Variants in ZNF550 observed in about 807,000 individuals in gnomAD.
The protein encoded by ZNF550 is zinc finger protein 550.
Under a neutral mutation model 40.2 loss-of-function variants are expected in ZNF550, and 42 were observed. That is an observed-to-expected ratio of 1.05 (90% CI 0.82 to 1.35). The LOEUF is 1.35. Among genes scored for constraint, ZNF550 ranks in the 40% most tolerant of loss-of-function variants. The pLI is 0.00. For missense variants in ZNF550, 549 were observed against 525.2 expected (o/e 1.05, Z -0.44); for synonymous variants, 223 against 198.6 (o/e 1.12, Z -1.03).
exon 4 of ZNF550, chr19:57,547,939 G>C (rs773810411): frequency 6.2e-7 from 1 of 1,614,116 alleles, no homozygotes; most frequent in South Asian, 1.1e-5. Context: ...GGCCCGCTCA[G>C]ATAAGACTGG....
At chr19:57,559,456 G>C (rs949153381) in intron 1 of ZNF550, among the ~76,000 whole-genome samples, 200 bp downstream of exon 1, 1 of 152,146 alleles carries the variant, frequency 6.6e-6, no homozygotes, top group Admixed American at 6.5e-5. Flanking sequence ...CCACAACGCC[G>C]CGCACCCCAG....
chr19:57,559,816 C>T (rs1042625417), exon 1 of ZNF550: 1 of 742,716 alleles, frequency 1.3e-6, no homozygotes, highest in African/African-American at 1.8e-5. Context: ...AGAGCGCGGA[C>T]CAACACGCCC....
intron 4 of ZNF550, chr19:57,544,643 A>T: frequency 2.0e-6 from 2 of 982,310 alleles, no homozygotes; most frequent in Non-Finnish European, 2.4e-6. Flanking sequence ...TAATATGTGC[A>T]AAAGGACCAC....
exon 4 of ZNF550, chr19:57,547,222 T>C (rs754752444): frequency 2.5e-6 from 4 of 1,614,038 alleles, no homozygotes; most frequent in Middle Eastern, 1.6e-4. Flanking sequence ...ATCATAGGGC[T>C]TCTCTCCAGT....
exon 4 of ZNF550, chr19:57,546,749 A>T (rs2090013397): frequency 7.6e-7 from 1 of 1,320,040 alleles, no homozygotes; most frequent in Non-Finnish European, 9.7e-7. Context: ...AATGAGTGAG[A>T]ACTGAGTGGT....
chr19:57,546,145 G>A (rs952233518), intron 4 of ZNF550, among the ~76,000 whole-genome samples: 23 of 152,086 alleles, frequency 1.5e-4, no homozygotes, highest in African/African-American at 4.6e-4. Flanking sequence ...TAAAAAAGAA[G>A]TGTCACATGA....
intron 1 of ZNF550, among the ~76,000 whole-genome samples, chr19:57,558,212 C>T (rs987665561): frequency 2.0e-5 from 3 of 152,280 alleles, no homozygotes; most frequent in Admixed American, 2.0e-4. Flanking sequence ...ACTGCAGCCC[C>T]GCAGAGACCT....
chr19:57,556,074 A>ACCC lies in ZNF550; in HGVS notation c.154+154_154+156dup, dbSNP rs2090117960. ...GGTTTGTGTTAAAAGGACATTTTCT[A>ACCC]CCCCGACAATCTCTGATGCAGACAA... On this transcript the variant is annotated intron_variant, in intron 2 of 4. Transcript: ENST00000457177. The ACCC allele has an allele frequency of 3.2e-6, 3 of 935,338 alleles. No homozygotes were observed. In the East Asian group the frequency reaches 7.6e-5, roughly 24 times the overall value. The allele number at this position is 935,338 out of a possible 1,614,324, so 57.9% of individuals were successfully genotyped here.
intron 3 of ZNF550, among the ~76,000 whole-genome samples, chr19:57,551,787 G>A (rs1472502267): frequency 6.6e-6 from 1 of 152,212 alleles, no homozygotes; most frequent in African/African-American, 2.4e-5. Flanking sequence ...AAGGCAAATG[G>A]CTCCAGCTAC....
intron 3 of ZNF550, among the ~76,000 whole-genome samples, chr19:57,550,113 A>G (rs760196131): frequency 6.0e-4 from 92 of 152,238 alleles, no homozygotes; most frequent in Non-Finnish European, 6.0e-4. Flanking sequence ...AGCAAGAACA[A>G]CTTCAGTGCT....
Position 57,554,732 on chromosome 19 carries a change from G to A in ZNF550, c.154+1499C>T, listed in dbSNP as rs532854416. On this transcript the variant is annotated intron_variant, in intron 2 of 4. Transcript: ENST00000457177. This position sits in a 1 kb window ranked among gnomAD's most constrained non-coding sequence, Gnocchi z 4.5. ...CAATGTGTGCTACATGCCTGGCTTT[G>A]AGTTCTGGGACAGGGCTGTGGGAAA... is the stretch of plus-strand genomic sequence containing the variant. The A allele has an allele frequency of 6.6e-6, 1 of 152,312 alleles. No homozygotes were observed. The allele number at this position is 152,312 out of a possible 1,614,324, so 9.4% of individuals were successfully genotyped here. A position where few individuals can be genotyped will look rare whatever the true frequency, so the allele number is the denominator to read the frequency against.
chr19:57,557,830 G>A (rs901979185), intron 1 of ZNF550, among the ~76,000 whole-genome samples: 31 of 152,194 alleles, frequency 2.0e-4, no homozygotes, highest in Non-Finnish European at 5.9e-5. Context: ...CTATGACGAT[G>A]TCACATGATC....
chr19:57,544,159 G>A, intron 4 of ZNF550: 1 of 985,394 alleles, frequency 1.0e-6, no homozygotes, highest in Non-Finnish European at 1.2e-6. Context: ...GCCATCCACT[G>A]CATCCCACTC....
At position 57,556,318 on chromosome 19, in the gene ZNF550, G is replaced by A. The variant is rs145863744; in HGVS notation, c.67C>T (p.Arg23Trp). ...AGGTCCAGCTGTCTCCACTCCTCCCGGGTAAAGGTCACAGCCACATCCTTG... is the reference window on the plus strand; with the variant it reads ...AGGTCCAGCTGTCTCCACTCCTCCCAGGTAAAGGTCACAGCCACATCCTTG... Residue 23 changes from arginine (R) to tryptophan (W), a missense_variant, in exon 2 of 5, where the codon CGG becomes TGG. Transcript: ENST00000457177. 3.8e-5 allele frequency: 62 copies of A among 1,613,916 alleles called. No individual in the cohort carries two copies. In the African/African-American group the frequency reaches 5.6e-4, roughly 15 times the overall value.
intron 4 of ZNF550, among the ~76,000 whole-genome samples, chr19:57,545,575 A>T (rs1254205378): frequency 1.3e-5 from 2 of 152,206 alleles, no homozygotes; most frequent in African/African-American, 4.8e-5. Flanking sequence ...AAAATGTGAG[A>T]GTGCTGAGCA....
intron 1 of ZNF550, chr19:57,556,736 G>A (rs529396408): frequency 3.0e-4 from 62 of 205,816 alleles, no homozygotes; most frequent in African/African-American, 1.3e-3. Flanking sequence ...AGATCAGACC[G>A]TTACTGTGTC....
chr19:57,543,691 T>A (rs1300608075), intron 4 of ZNF550: 1 of 940,980 alleles, frequency 1.1e-6, no homozygotes, highest in East Asian at 1.2e-4. Context: ...ATCGCAGCAC[T>A]TTGGGAGGCA....
chr19:57,560,941 G>T (rs766938198), upstream of ZNF550, among the ~76,000 whole-genome samples: 5 of 152,112 alleles, frequency 3.3e-5, no homozygotes, highest in Non-Finnish European at 7.3e-5. Flanking sequence ...TTCCTATTTT[G>T]TGGGTGTTTC....
intron 3 of ZNF550, among the ~76,000 whole-genome samples, chr19:57,551,624 G>T (rs558898381): frequency 1.3e-5 from 2 of 152,246 alleles, no homozygotes; most frequent in East Asian, 3.9e-4. Flanking sequence ...TGTCTTTTTA[G>T]GCATCAGGAG....
Sources: gnomAD v4.1 joint callset for allele counts (sites outside exome capture counted in the v4.1 genomes callset) on GRCh38, gnomAD v4.1.1 for gene constraint, Gnocchi (gnomAD v3.1) non-coding constraint, MANE v1.5 for transcripts, NCBI Gene and HGNC (gene_info 2026-07-23, HGNC 2026-07-21) for gene names.